The following ARSB variants were observed in gnomAD, a reference collection of about 807,000 sequenced individuals.
ARSB encodes arylsulfatase B.
A neutral mutation model predicts 50.9 loss-of-function variants in ARSB; 41 were observed. That is an observed-to-expected ratio of 0.81 (90% CI 0.63 to 1.04). The LOEUF (loss-of-function observed/expected upper bound fraction) is 1.04, where lower values mean the gene tolerates loss of function less well. Among genes scored for constraint, ARSB ranks in the 50% least tolerant of loss-of-function variants. ARSB has a pLI of 0.00. For missense variants in ARSB, 672 were observed against 693.3 expected, an observed-to-expected ratio of 0.97 and a Z score of 0.35; for synonymous variants, 269 against 284.8, an observed-to-expected ratio of 0.94 and a Z score of 0.56.
At chr5:78,984,508 C>T (rs1753053362) in intron 1 of ARSB, among the ~76,000 whole-genome samples, 1 of 152,222 alleles carries the variant, frequency 6.6e-6, no homozygotes, top group Admixed American at 6.5e-5. Flanking sequence ...TGGGTTCCCA[C>T]GGGCCAGGGT....
rs116143002 is a variant in ARSB, at chr5:78,824,525, C to G, written c.1213+14831G>C. ...CCCAGCCTGACTGAATCAGGTGATT[C>G]GTGTGCACATTCAGGTATGAAAGGC... On this transcript the variant is annotated intron_variant, in intron 6 of 7. Coordinates refer to ENST00000264914, the MANE Select transcript of ARSB (RefSeq NM_000046.5). 2.7e-3 allele frequency among the ~76,000 whole-genome samples: 408 copies of G among 152,186 alleles called. 3 individuals carry two copies. Among genetic ancestry groups the G allele is most frequent in the African/African-American group, 9.2e-3 (381 of 41,502 alleles).
At chr5:78,950,795 G>A (rs1046400006) in intron 4 of ARSB, among the ~76,000 whole-genome samples, 7 of 152,220 alleles carry the variant, frequency 4.6e-5, no homozygotes, top group East Asian at 3.9e-4. Context: ...GCCACAAGAC[G>A]GCCACACATT....
intron 4 of ARSB, among the ~76,000 whole-genome samples, chr5:78,900,288 G>A (rs534252477): frequency 6.6e-6 from 1 of 152,100 alleles, no homozygotes; most frequent in Non-Finnish European, 1.5e-5. Context: ...GGTTGGGGAT[G>A]GTAGTCTCAC....
At chr5:78,919,111 C>T (rs1462917014) in intron 4 of ARSB, among the ~76,000 whole-genome samples, 1 of 152,194 alleles carries the variant, frequency 6.6e-6, no homozygotes, top group African/African-American at 2.4e-5. Context: ...GGTGGAGTTG[C>T]AGAGAGAATG....
intron 4 of ARSB, among the ~76,000 whole-genome samples, chr5:78,928,008 TCCATGGC>T (rs1419858366): frequency 6.6e-6 from 1 of 152,174 alleles, no homozygotes; most frequent in Admixed American, 6.5e-5. Flanking sequence ...GAGTGCAGAC[TCCATGGC>T]CCAGACTGTG....
chr5:78,790,336 A>G (rs1354963114), intron 6 of ARSB, among the ~76,000 whole-genome samples: 1 of 152,140 alleles, frequency 6.6e-6, no homozygotes. Flanking sequence ...CCTCAGTTTC[A>G]GTATTGTTGT....
At chr5:78,784,586 C>T (rs55833886) in intron 6 of ARSB, among the ~76,000 whole-genome samples, 1 of 152,020 alleles carries the variant, frequency 6.6e-6, no homozygotes, top group South Asian at 2.1e-4. Flanking sequence ...GGTATAGGAC[C>T]ATTTAGATCT....
chr5:78,808,025 G>C lies in ARSB; in HGVS notation c.1214-26051C>G, dbSNP rs1445458856. 3.1e-3 allele frequency among the ~76,000 whole-genome samples: 431 copies of C among 140,800 alleles called. 10 individuals carry two copies. Among genetic ancestry groups the C allele is most frequent in the African/African-American group, 0.011 (403 of 36,464 alleles). 92.4% of individuals were successfully genotyped at this position (140,800 alleles called of 152,430 possible). ...GGAGAATGGCGTGAACCCGGGAGGC[G>C]GAGCTTGCAGTGAGCCGAGATCCCG... On this transcript the variant is annotated intron_variant, in intron 6 of 7. Coordinates refer to ENST00000264914, the MANE Select transcript of ARSB (RefSeq NM_000046.5).
At chr5:78,849,281 T>C (rs930385938) in intron 5 of ARSB, among the ~76,000 whole-genome samples, 3 of 152,192 alleles carry the variant, frequency 2.0e-5, no homozygotes, top group Admixed American at 1.3e-4. Context: ...GCTTTCTACA[T>C]ATGGCTAGCC....
rs750845916 is a variant in ARSB, at chr5:78,985,003, CA to C, written c.245del (p.Leu82ArgfsTer32). The C allele has an allele frequency of 5.2e-6, 8 of 1,539,466 alleles. No individual in the cohort carries two copies. The highest frequency in any genetic ancestry group is 6.1e-6 in the Non-Finnish European group (7 of 1,146,352). ...ACAGCGGCTGCGTGTAGTAGTTGTC[CA>C]GGAGCACCCCGCCGGCCGCCAGCGC... ...LDALAAGGVLLDNYYTQPLCT... is the reference protein window; with the variant it reads ...LDALAAGGVLXDNYYTQPLCT... On this transcript the variant is annotated frameshift_variant, in exon 1 of 8. Coordinates refer to ENST00000264914, the MANE Select transcript of ARSB (RefSeq NM_000046.5). LOFTEE classifies it high-confidence loss of function.
At chr5:78,850,075 C>G (rs1380239318) in intron 5 of ARSB, among the ~76,000 whole-genome samples, 1 of 151,712 alleles carries the variant, frequency 6.6e-6, no homozygotes, top group African/African-American at 2.4e-5. Context: ...CCTAATTGCC[C>G]TGGCCAGAAC....
chr5:78,909,563 G>A (rs538559027), intron 4 of ARSB, among the ~76,000 whole-genome samples: 3 of 152,308 alleles, frequency 2.0e-5, no homozygotes, highest in South Asian at 2.1e-4. Context: ...AGGGCTGTGT[G>A]GGATGTGCCT....
At chr5:78,789,011 C>T (rs1749170558) in intron 6 of ARSB, among the ~76,000 whole-genome samples, 1 of 152,034 alleles carries the variant, frequency 6.6e-6, no homozygotes, top group African/African-American at 2.4e-5. Context: ...AATGGGTTCA[C>T]CAAAAAGGGA....
intron 5 of ARSB, among the ~76,000 whole-genome samples, chr5:78,845,534 G>A (rs1745408613): frequency 1.3e-5 from 2 of 152,044 alleles, no homozygotes; most frequent in South Asian, 4.1e-4. Flanking sequence ...AACCTCGCCA[G>A]GATCTGTTAT....
chr5:78,985,494 G>A (rs180784385), upstream of ARSB: 946 of 287,772 alleles, frequency 3.3e-3, 12 homozygotes, highest in African/African-American at 0.019. Context: ...TGGAAACTCA[G>A]CTGACGCTTG....
chr5:78,786,077 C>T (rs1208536088), intron 6 of ARSB, among the ~76,000 whole-genome samples: 1 of 152,106 alleles, frequency 6.6e-6, no homozygotes, highest in Non-Finnish European at 1.5e-5. Flanking sequence ...AGTTGTATAA[C>T]CATCACTGTA....
intron 4 of ARSB, among the ~76,000 whole-genome samples, chr5:78,953,625 C>T (rs1751578937): frequency 1.3e-5 from 2 of 152,160 alleles, no homozygotes; most frequent in Admixed American, 1.3e-4. Context: ...TGTCACCTCA[C>T]CCCTACATGG....
intron 5 of ARSB, among the ~76,000 whole-genome samples, chr5:78,871,076 GA>G (rs1472206455): frequency 6.7e-6 from 1 of 149,098 alleles, no homozygotes; most frequent in Non-Finnish European, 1.5e-5. Context: ...TTGCTTCAAA[GA>G]GAATAAAATA....
At chr5:78,867,066 T>C (rs1413227532) in intron 5 of ARSB, among the ~76,000 whole-genome samples, 1 of 152,090 alleles carries the variant, frequency 6.6e-6, no homozygotes. Context: ...CAGACGCACC[T>C]GGAAAATCGG....
Sources: gnomAD v4.1 joint callset for allele counts (sites outside exome capture counted in the v4.1 genomes callset) on GRCh38, gnomAD v4.1.1 for gene constraint, MANE v1.5 for transcripts, NCBI Gene and HGNC (gene_info 2026-07-23, HGNC 2026-07-21) for gene names.